MYH11: variants seen among roughly 807,000 people sequenced by gnomAD.
MYH11 encodes the protein myosin heavy chain 11, also known as myosin-11.
A neutral mutation model predicts 246.6 loss-of-function variants in MYH11; 80 were observed. The observed-to-expected ratio is 0.32, with a 90% CI of 0.27 to 0.39. MYH11 has a LOEUF of 0.39. MYH11 is among the 10% of genes least tolerant of loss of function. The pLI, the probability that MYH11 is intolerant of heterozygous loss-of-function variation, is 1.00. For missense variants in MYH11, 2,158 were observed against 2,546.8 expected, an observed-to-expected ratio of 0.85 and a Z score of 3.29; for synonymous variants, 1,071 against 1,015.5, an observed-to-expected ratio of 1.05 and a Z score of -1.04.
At chr16:15,755,200 C>T (rs1567731355) in intron 14 of MYH11, among the ~76,000 whole-genome samples, 1 of 152,172 alleles carries the variant, frequency 6.6e-6, no homozygotes, top group Non-Finnish European at 1.5e-5. Flanking sequence ...TAGAATACTA[C>T]AATTCTGCAA....
At chr16:15,807,266 C>G (rs535016057) in intron 3 of MYH11, among the ~76,000 whole-genome samples, 109 of 152,244 alleles carry the variant, frequency 7.2e-4, no homozygotes, top group African/African-American at 2.5e-3. Context: ...TAACTGAAAT[C>G]ACAGGCTCAA....
chr16:15,724,078 C>T, intron 31 of MYH11, 83 bp downstream of exon 31: 2 of 1,601,064 alleles, frequency 1.2e-6, no homozygotes, highest in Admixed American at 1.7e-5. Flanking sequence ...AGGCACAGGC[C>T]AGAGCCACGC....
chr16:15,835,975 C>A (rs1289456380), intron 2 of MYH11, among the ~76,000 whole-genome samples: 1 of 152,040 alleles, frequency 6.6e-6, no homozygotes, highest in Non-Finnish European at 1.5e-5. Context: ...GTCTCAAACT[C>A]CTGGGCTCAA....
chr16:15,795,334 A>C (rs1190042640), intron 4 of MYH11, among the ~76,000 whole-genome samples: 2 of 148,034 alleles, frequency 1.4e-5, no homozygotes, highest in African/African-American at 5.0e-5. Flanking sequence ...AGGATGGGCC[A>C]GGCTCAGCGG....
intron 3 of MYH11, among the ~76,000 whole-genome samples, chr16:15,804,545 A>G (rs2042966153): frequency 1.3e-5 from 2 of 152,116 alleles, no homozygotes; most frequent in Non-Finnish European, 2.9e-5. Flanking sequence ...AAAGATAAAA[A>G]AATAACTAAA....
chr16:15,777,098 C>CAGACAT (rs773770130), intron 7 of MYH11, among the ~76,000 whole-genome samples: 7,034 of 106,024 alleles, frequency 0.066, 212 homozygotes, highest in Middle Eastern at 0.13. Flanking sequence ...TATACACACG[C>CAGACAT]ACACATACAC....
At chr16:15,809,041 T>C (rs751003373) in intron 3 of MYH11, among the ~76,000 whole-genome samples, 6 of 152,118 alleles carry the variant, frequency 3.9e-5, no homozygotes, top group Admixed American at 6.6e-5. Context: ...AGCAGCCTCA[T>C]AGAACCTATA....
chr16:15,732,100 T>A (rs1247416603), intron 27 of MYH11, among the ~76,000 whole-genome samples: 1 of 152,114 alleles, frequency 6.6e-6, no homozygotes, highest in East Asian at 1.9e-4. Context: ...TAGCTGGGAT[T>A]ACAGGCATGC....
At chr16:15,735,339 G>T (rs1366294143) in intron 26 of MYH11, 27 bp downstream of exon 26, 1 of 1,611,820 alleles carries the variant, frequency 6.2e-7, no homozygotes, top group Admixed American at 1.7e-5. Context: ...TGGGATAGCA[G>T]GATGGTGGGA....
chr16:15,775,827 T>C, intron 8 of MYH11: 2 of 572,910 alleles, frequency 3.5e-6, no homozygotes, highest in South Asian at 2.0e-5. Flanking sequence ...ACATGAATCA[T>C]TAATGATCTA....
At chr16:15,728,808 G>A (rs1596742414) in intron 27 of MYH11, among the ~76,000 whole-genome samples, 1 of 152,168 alleles carries the variant, frequency 6.6e-6, no homozygotes, top group East Asian at 1.9e-4. Context: ...GCTGAAGCAG[G>A]AGAATTGCCT....
chr16:15,802,972 C>A lies in MYH11; in HGVS notation c.503-4285G>T, dbSNP rs192959811. ...GGCAACATGGTGAAACCCATCTCTA[C>A]TAAAAATACAAAAAATTAGCCAGGC... On this transcript the variant is annotated intron_variant, in intron 3 of 40. Coordinates refer to ENST00000300036, the MANE Select transcript of MYH11 (RefSeq NM_002474.3). Among the ~76,000 whole-genome samples the A allele has an allele frequency of 4.0e-5, 6 of 151,854 alleles. No individual in the cohort carries two copies. In the East Asian group the frequency reaches 1.2e-3, roughly 30 times the overall value.
At chr16:15,805,412 T>C (rs1318661834) in intron 3 of MYH11, among the ~76,000 whole-genome samples, 2 of 152,184 alleles carry the variant, frequency 1.3e-5, no homozygotes, top group Non-Finnish European at 2.9e-5. Context: ...CGGAAAAAGG[T>C]ACAGATGATA....
chr16:15,805,385 G>A (rs1883805415), intron 3 of MYH11, among the ~76,000 whole-genome samples: 1 of 152,146 alleles, frequency 6.6e-6, no homozygotes, highest in Non-Finnish European at 1.5e-5. Flanking sequence ...CTTAATAAAT[G>A]TCTCAAAACA....
intron 38 of MYH11, among the ~76,000 whole-genome samples, chr16:15,716,761 G>A (rs2040172435): frequency 6.6e-6 from 1 of 152,160 alleles, no homozygotes; most frequent in African/African-American, 2.4e-5. Context: ...TGATCCACCT[G>A]CCTCAGCCTC....
intron 40 of MYH11, among the ~76,000 whole-genome samples, chr16:15,709,927 A>AG (rs2039683256): frequency 6.6e-6 from 1 of 152,130 alleles, no homozygotes; most frequent in Non-Finnish European, 1.5e-5. Context: ...GTCTGGCTTT[A>AG]GAGAGGGCTT....
At chr16:15,723,723 G>A (rs1355331002) in intron 31 of MYH11, among the ~76,000 whole-genome samples, 4 of 152,302 alleles carry the variant, frequency 2.6e-5, no homozygotes, top group African/African-American at 4.8e-5. Context: ...GGTGTTCACC[G>A]TACAATTCTG....
In MYH11 at chr16:15,719,606, T is replaced by C. The variant is rs1487432932; in HGVS notation, c.5061A>G (p.Ala1687=). The C allele has an allele frequency of 6.2e-7, 1 of 1,614,196 alleles. No homozygotes were observed. Among genetic ancestry groups the C allele is most frequent in the South Asian group, 1.1e-5 (1 of 91,084 alleles). Residue 1687 remains alanine, a synonymous_variant, in exon 35 of 41, where the codon GCA becomes GCG. Coordinates refer to ENST00000300036, the MANE Select transcript of MYH11 (RefSeq NM_002474.3). ...ENEKKAKSLE[A]DLMQLQEDLA... ...TTACCTCTTGTAGCTGCATGAGGTC[T>C]GCTTCCAAGCTCTTGGCTTTCTTCT...
chr16:15,706,495 G>A (rs1333713667), intron 40 of MYH11, among the ~76,000 whole-genome samples: 1 of 152,138 alleles, frequency 6.6e-6, no homozygotes, highest in East Asian at 1.9e-4. Context: ...CACTCGTGAG[G>A]TCAGTTGTTC....
Sources: allele counts gnomAD v4.1 joint callset (sites outside exome capture counted in the v4.1 genomes callset), GRCh38; gene constraint gnomAD v4.1.1; transcripts MANE v1.5; gene names NCBI Gene and HGNC (gene_info 2026-07-23, HGNC 2026-07-21).